ATXN2: variants seen among roughly 807,000 people sequenced by gnomAD.
The protein encoded by ATXN2 is ataxin-2.
A neutral mutation model predicts 138.6 loss-of-function variants in ATXN2; 37 were observed. That is an observed-to-expected ratio of 0.27 (90% CI 0.21 to 0.35). The LOEUF (loss-of-function observed/expected upper bound fraction) is 0.35. Ranked by LOEUF, ATXN2 falls within the 10% of genes least tolerant of loss-of-function variation. The pLI, the probability that ATXN2 is intolerant of heterozygous loss-of-function variation, is 1.00. For synonymous variants in ATXN2, 549 were observed against 543.7 expected (o/e 1.01, Z -0.13); for missense variants, 1,216 against 1,480.3 (o/e 0.82, Z 2.93).
intron 1 of ATXN2, among the ~76,000 whole-genome samples, chr12:111,566,232 A>C (rs1022375966): frequency 1.2e-4 from 19 of 152,092 alleles, no homozygotes; most frequent in African/African-American, 4.6e-4. Flanking sequence ...CGGGAGTTCA[A>C]GACCAGCCTG....
rs777393909 is a variant in ATXN2, at chr12:111,599,267, C to T, written c.-233G>A. On this transcript the variant is annotated 5_prime_UTR_variant, in exon 1 of 25. Transcript: ENST00000673436. ...GGAGCCGGGCCGAAACGCGCCGCCGCCGTTGCCGTTGCTACCAAAACAGTC... is the reference window on the plus strand; with the variant it reads ...GGAGCCGGGCCGAAACGCGCCGCCGTCGTTGCCGTTGCTACCAAAACAGTC... 226 of 1,077,454 alleles carry T rather than the reference C, an allele frequency of 2.1e-4. No homozygotes were observed. Among genetic ancestry groups the T allele is most frequent in the Non-Finnish European group, 2.4e-4 (214 of 893,314 alleles). The allele number at this position is 1,077,454 out of a possible 1,614,324, so 66.7% of individuals were successfully genotyped here. A position where few individuals can be genotyped will look rare whatever the true frequency, so the allele number is the denominator to read the frequency against.
intron 1 of ATXN2, among the ~76,000 whole-genome samples, chr12:111,574,466 C>T (rs1036483231): frequency 7.3e-5 from 11 of 151,594 alleles, no homozygotes; most frequent in Admixed American, 3.3e-4. Flanking sequence ...CTCACTCTGT[C>T]GCCTGGGATG....
chr12:111,560,860 T>C (rs1170374033), intron 1 of ATXN2, among the ~76,000 whole-genome samples: 1 of 151,764 alleles, frequency 6.6e-6, no homozygotes, highest in Non-Finnish European at 1.5e-5. Context: ...TCTGACTTAA[T>C]AAGAATTTCA....
In ATXN2 at chr12:111,464,802, C is replaced by A. The variant is rs528986685; in HGVS notation, c.2843-87G>T. 1.0e-5 allele frequency: 10 copies of A among 1,004,944 alleles called. No individual in the cohort carries two copies. In the African/African-American group the frequency reaches 1.3e-4, roughly 13 times the overall value. 62.3% of individuals were successfully genotyped at this position (1,004,944 alleles called of 1,614,324 possible). Reference sequence around the variant, plus strand: ...GGAAAGGTTGACATATTAGTAATTTCTTTTTGTATTCATGCATAATTCATT... The same window carrying A: ...GGAAAGGTTGACATATTAGTAATTTATTTTTGTATTCATGCATAATTCATT... On this transcript the variant is annotated intron_variant, in intron 20 of 24. Transcript: ENST00000673436.
chr12:111,491,977 C>T (rs1031040358), intron 14 of ATXN2, among the ~76,000 whole-genome samples: 2 of 152,166 alleles, frequency 1.3e-5, no homozygotes, highest in African/African-American at 4.8e-5. Flanking sequence ...GAACCTGCTG[C>T]ACTGAAAGTA....
chr12:111,553,116 C>G, intron 3 of ATXN2, 139 bp from the exon 4 acceptor site: 1 of 480,766 alleles, frequency 2.1e-6, no homozygotes, highest in Non-Finnish European at 3.5e-6. Context: ...AAAAAAATTT[C>G]AAAACATTAA....
At chr12:111,563,788 AT>A (rs1226764029) in intron 1 of ATXN2, among the ~76,000 whole-genome samples, 1 of 152,206 alleles carries the variant, frequency 6.6e-6, no homozygotes, top group African/African-American at 2.4e-5. Context: ...TGTCCAAGGC[AT>A]TTTTTAAATA....
At chr12:111,534,592 G>A (rs983958149) in intron 5 of ATXN2, among the ~76,000 whole-genome samples, 5 of 150,702 alleles carry the variant, frequency 3.3e-5, no homozygotes, top group Non-Finnish European at 3.0e-5. Flanking sequence ...AAAATATACC[G>A]GTAAAAAAGA....
rs369589545 is a variant in ATXN2 at position 111,454,812 on chromosome 12, C to T, written c.3271-967G>A. 405 of 508,228 alleles carry T rather than the reference C, an allele frequency of 8.0e-4. 1 individual carries two copies. Among genetic ancestry groups the T allele is most frequent in the African/African-American group, 6.6e-3 (345 of 52,262 alleles). The allele number at this position is 508,228 out of a possible 1,614,324, so 31.5% of individuals were successfully genotyped here. ...AAACAGAGTGAGGTTTTAGGGATCC[C>T]TGACTTACATGTAAGTTCACATGCC... On this transcript the variant is annotated intron_variant, in intron 23 of 24. Coordinates refer to ENST00000673436, the MANE Select transcript of ATXN2 (RefSeq NM_001372574.1).
intron 20 of ATXN2, among the ~76,000 whole-genome samples, chr12:111,467,738 C>T (rs1355808113): frequency 6.6e-6 from 1 of 152,176 alleles, no homozygotes; most frequent in Non-Finnish European, 1.5e-5. Context: ...CATAAATGGA[C>T]TTTGGGGTCT....
chr12:111,582,985 TTTTG>T (rs1884096314), intron 1 of ATXN2, among the ~76,000 whole-genome samples: 1 of 111,644 alleles, frequency 9.0e-6, no homozygotes, highest in Non-Finnish European at 1.7e-5. Flanking sequence ...CAGTTTTTTT[TTTTG>T]TTTGTTTTTT....
chr12:111,575,343 C>T lies in ATXN2; in HGVS notation c.252-19424G>A, dbSNP rs757636425. ...GCGACTACAGGTGTGTGCTGCCATC[C>T]CCCATTAATTAAAAAATATTTTTTG... On this transcript the variant is annotated intron_variant, in intron 1 of 24. Transcript: ENST00000673436. Among the ~76,000 whole-genome samples, 25 of 151,986 alleles carry T rather than the reference C, an allele frequency of 1.6e-4. 1 individual carries two copies. The highest frequency in any genetic ancestry group is 3.4e-4 in the Non-Finnish European group (23 of 67,992).
chr12:111,470,535 GAGTT>G lies in ATXN2; in HGVS notation c.2709+19_2709+22del, dbSNP rs1876335905. On this transcript the variant is annotated intron_variant, in intron 19 of 24. Transcript: ENST00000673436. The stretch of plus-strand genomic sequence containing the variant: ...TTTTTTTATATGGTACAAAAATTAA[GAGTT>G]AGGCCTTACCAGCCTTACCTGAGAC... 2 of 1,610,154 alleles carry G rather than the reference GAGTT, an allele frequency of 1.2e-6. No homozygotes were observed. The highest frequency in any genetic ancestry group is 8.5e-7 in the Non-Finnish European group (1 of 1,176,734).
chr12:111,534,245 T>TA (rs1881012494), intron 5 of ATXN2, among the ~76,000 whole-genome samples: 1 of 150,674 alleles, frequency 6.6e-6, no homozygotes, highest in Admixed American at 6.6e-5. Flanking sequence ...ACCAAAAATA[T>TA]AAAAAATTAG....
At chr12:111,526,540 G>C (rs1306397965) in intron 5 of ATXN2, among the ~76,000 whole-genome samples, 1 of 151,512 alleles carries the variant, frequency 6.6e-6, no homozygotes, top group Non-Finnish European at 1.5e-5. Flanking sequence ...AAGTAGCTAA[G>C]ATTACAGGCG....
chr12:111,583,404 T>C (rs772516940), intron 1 of ATXN2, among the ~76,000 whole-genome samples: 6 of 152,006 alleles, frequency 3.9e-5, no homozygotes, highest in Non-Finnish European at 8.8e-5. Context: ...ATTCAAGAAA[T>C]AGGGATACAA....
intron 1 of ATXN2, chr12:111,597,845 T>C: frequency 7.8e-7 from 1 of 1,279,158 alleles, no homozygotes; most frequent in South Asian, 1.2e-5. Flanking sequence ...GTGCGCAGGG[T>C]GCCCGCCCCC....
At position 111,528,305 on chromosome 12, in the gene ATXN2, G is replaced by C. The variant is rs376394275; in HGVS notation, c.572-2989C>G. Among the ~76,000 whole-genome samples, 4 of 152,090 alleles carry C rather than the reference G, an allele frequency of 2.6e-5. No individual in the cohort carries two copies. The East Asian group carries it at 7.7e-4, about 29-fold the overall frequency. On this transcript the variant is annotated intron_variant, in intron 5 of 24. Coordinates refer to ENST00000673436, the MANE Select transcript of ATXN2 (RefSeq NM_001372574.1). ...TGTGTGAAAATATTTAGAAAGTCTTGAGTCAAGCCGTCTTCAAACCAAAAG... is the reference window on the plus strand; with the variant it reads ...TGTGTGAAAATATTTAGAAAGTCTTCAGTCAAGCCGTCTTCAAACCAAAAG...
intron 1 of ATXN2, among the ~76,000 whole-genome samples, chr12:111,565,111 ATATTCTCCT>A (rs371696183): frequency 1.0e-3 from 154 of 152,130 alleles, no homozygotes; most frequent in African/African-American, 3.6e-3. Context: ...GAATGTCCCC[ATATTCTCCT>A]TTAAGTAATG....
Sources: allele counts gnomAD v4.1 joint callset (sites outside exome capture counted in the v4.1 genomes callset), GRCh38; gene constraint gnomAD v4.1.1; transcripts MANE v1.5; gene names NCBI Gene and HGNC (gene_info 2026-07-23, HGNC 2026-07-21).